Variants in CSMD1 observed in about 807,000 individuals in gnomAD.
CSMD1 encodes the protein CUB and Sushi multiple domains 1, also known as CUB and sushi domain-containing protein 1.
CSMD1 carries 213 observed loss-of-function variants against 417.5 expected under a neutral mutation model. The ratio of observed to expected loss-of-function variants is 0.51; its 90% confidence interval spans 0.46 to 0.57. The LOEUF is 0.57. Ranked by LOEUF, CSMD1 falls within the 20% of genes least tolerant of loss-of-function variation. The pLI is 0.00. For missense variants in CSMD1, 6,923 were observed against 4,529.7 expected (o/e 1.53, Z -15.17); for synonymous variants, 2,862 against 1,736.8 (o/e 1.65, Z -16.11).
intron 1 of CSMD1, among the ~76,000 whole-genome samples, chr8:4,838,495 C>T (rs1800635309): frequency 1.3e-5 from 2 of 152,228 alleles, no homozygotes; most frequent in African/African-American, 2.4e-5. Context: ...AAATGTGATT[C>T]TGTCTCATAA....
At chr8:4,506,540 G>C (rs1365003760) in intron 2 of CSMD1, among the ~76,000 whole-genome samples, 3 of 152,142 alleles carry the variant, frequency 2.0e-5, no homozygotes, top group African/African-American at 7.2e-5. Flanking sequence ...GGAGGACCCA[G>C]TGGAAGGGAC....
chr8:4,390,313 T>C (rs531435317), intron 3 of CSMD1, among the ~76,000 whole-genome samples: 1 of 152,058 alleles, frequency 6.6e-6, no homozygotes, highest in African/African-American at 2.4e-5. Context: ...TTATTGAAGT[T>C]AATTGGGAAA....
At chr8:4,614,909 C>T (rs943041102) in intron 2 of CSMD1, among the ~76,000 whole-genome samples, 1 of 152,036 alleles carries the variant, frequency 6.6e-6, no homozygotes, top group Non-Finnish European at 1.5e-5. Flanking sequence ...AAATTGTTCA[C>T]CAATCTCAGA....
chr8:4,218,353 T>G (rs1184276745), intron 3 of CSMD1, among the ~76,000 whole-genome samples: 5 of 152,220 alleles, frequency 3.3e-5, no homozygotes, highest in African/African-American at 1.2e-4. Flanking sequence ...CTGTTGATTT[T>G]GTTTGGTCAT....
At chr8:4,426,586 G>T (rs1219272030) in intron 2 of CSMD1, among the ~76,000 whole-genome samples, 8 of 141,098 alleles carry the variant, frequency 5.7e-5, no homozygotes, top group African/African-American at 2.1e-4. Context: ...CACAGTATGT[G>T]CAGTATAGTA....
At chr8:3,319,901 A>T (rs144058649) in intron 23 of CSMD1, among the ~76,000 whole-genome samples, 1 of 152,188 alleles carries the variant, frequency 6.6e-6, no homozygotes, top group African/African-American at 2.4e-5. Flanking sequence ...TTGATGACTC[A>T]TTAAAAAAAC....
rs142312097 is a variant in CSMD1 at position 3,886,666 on chromosome 8, C to A, written c.818+111237G>T. On this transcript the variant is annotated intron_variant, in intron 5 of 69. Coordinates refer to ENST00000635120, the MANE Select transcript of CSMD1 (RefSeq NM_033225.6). Reference sequence around the variant, plus strand: ...GAGATGTATCTTCTAACAACAGCTACTGATGATTCAAAACCTACTACATGT... The same window carrying A: ...GAGATGTATCTTCTAACAACAGCTAATGATGATTCAAAACCTACTACATGT... 6.1e-3 allele frequency among the ~76,000 whole-genome samples: 922 copies of A among 152,220 alleles called. 8 individuals carry two copies. Among genetic ancestry groups the A allele is most frequent in the Middle Eastern group, 0.014 (4 of 294 alleles).
intron 7 of CSMD1, among the ~76,000 whole-genome samples, chr8:3,689,670 T>A (rs1267330195): frequency 6.6e-6 from 1 of 152,168 alleles, no homozygotes; most frequent in African/African-American, 2.4e-5. Context: ...ACACGAGTCA[T>A]CTCCTTTAAT....
intron 1 of CSMD1, among the ~76,000 whole-genome samples, chr8:4,639,830 G>T (rs1233087403): frequency 6.6e-6 from 1 of 152,126 alleles, no homozygotes; most frequent in Non-Finnish European, 1.5e-5. Context: ...AAGATTTAAT[G>T]AAAGGGATTT....
At chr8:3,942,898 G>T (rs560581546) in intron 5 of CSMD1, among the ~76,000 whole-genome samples, 1 of 152,186 alleles carries the variant, frequency 6.6e-6, no homozygotes, top group South Asian at 2.1e-4. Context: ...ATACATCATT[G>T]TGATACTTTT....
chr8:3,599,726 A>G (rs908768433), intron 8 of CSMD1, among the ~76,000 whole-genome samples: 2 of 152,096 alleles, frequency 1.3e-5, no homozygotes, highest in African/African-American at 4.8e-5. Context: ...ATTGGCGCCA[A>G]CCTATACCTT....
chr8:4,522,300 G>C (rs886345734), intron 2 of CSMD1, among the ~76,000 whole-genome samples: 11 of 152,094 alleles, frequency 7.2e-5, no homozygotes, highest in Admixed American at 1.3e-4. Flanking sequence ...ATAATTGTGA[G>C]GCCTCCCCAG....
At chr8:3,589,028 G>C (rs549022093) in intron 8 of CSMD1, among the ~76,000 whole-genome samples, 24 of 152,098 alleles carry the variant, frequency 1.6e-4, no homozygotes, top group Admixed American at 1.3e-3. Flanking sequence ...ACCACAGTGA[G>C]ATATCAACTC....
At position 4,080,176 on chromosome 8, in the gene CSMD1, T is replaced by A. The variant is rs548996772; in HGVS notation, c.416-48077A>T. ...TTTACAAGCCATGCATTTCTATGAATCTTTACTTGGGTTCATTCTAGCTCC... is the reference window on the plus strand; with the variant it reads ...TTTACAAGCCATGCATTTCTATGAAACTTTACTTGGGTTCATTCTAGCTCC... On this transcript the variant is annotated intron_variant, in intron 3 of 69. Coordinates refer to ENST00000635120, the MANE Select transcript of CSMD1 (RefSeq NM_033225.6). Among the ~76,000 whole-genome samples, 3 of 152,222 alleles carry A rather than the reference T, an allele frequency of 2.0e-5. No individual in the cohort carries two copies. In the East Asian group the frequency reaches 5.8e-4, roughly 29 times the overall value.
At chr8:3,044,647 G>A (rs1214397428) in intron 50 of CSMD1, among the ~76,000 whole-genome samples, 1 of 151,660 alleles carries the variant, frequency 6.6e-6, no homozygotes, top group Non-Finnish European at 1.5e-5. Context: ...AAAAAAAAGG[G>A]ACCTCAAACA....
chr8:4,375,587 C>T (rs552597130), intron 3 of CSMD1, among the ~76,000 whole-genome samples: 1 of 152,130 alleles, frequency 6.6e-6, no homozygotes, highest in Non-Finnish European at 1.5e-5. Flanking sequence ...AAGACTCCTA[C>T]TGAGGAAGAA....
At chr8:3,389,375 G>C (rs1321810199) in intron 17 of CSMD1, among the ~76,000 whole-genome samples, 4 of 152,070 alleles carry the variant, frequency 2.6e-5, no homozygotes, top group Admixed American at 6.6e-5. Context: ...GCGTTTGGTT[G>C]CCTGTTGCTG....
At chr8:3,658,746 G>A (rs990465213) in intron 7 of CSMD1, among the ~76,000 whole-genome samples, 1 of 152,108 alleles carries the variant, frequency 6.6e-6, no homozygotes, top group Non-Finnish European at 1.5e-5. Flanking sequence ...TCGTGCCACT[G>A]AACTTCAGCC....
intron 6 of CSMD1, among the ~76,000 whole-genome samples, chr8:3,719,881 A>T (rs1236752072): frequency 1.3e-5 from 2 of 152,156 alleles, no homozygotes; most frequent in Non-Finnish European, 2.9e-5. Flanking sequence ...ATTGTTCTGG[A>T]ACTCATTAGA....
Sources: gnomAD v4.1 joint callset for allele counts (sites outside exome capture counted in the v4.1 genomes callset) on GRCh38, gnomAD v4.1.1 for gene constraint, MANE v1.5 for transcripts, NCBI Gene and HGNC (gene_info 2026-07-23, HGNC 2026-07-21) for gene names.